The following SEMA3E variants were observed in gnomAD, a reference collection of about 807,000 sequenced individuals.
The protein encoded by SEMA3E is semaphorin 3E, also known as semaphorin-3E.
Under a neutral mutation model 93.6 loss-of-function variants are expected in SEMA3E, and 49 were observed. That is an observed-to-expected ratio of 0.52 (90% CI 0.42 to 0.66). SEMA3E has a LOEUF of 0.66. Ranked by LOEUF, SEMA3E falls within the 30% of genes least tolerant of loss-of-function variation. The pLI is 0.00. For synonymous variants in SEMA3E, 363 were observed against 330.7 expected, an observed-to-expected ratio of 1.10 and a Z score of -1.06; for missense variants, 906 against 964.8, an observed-to-expected ratio of 0.94 and a Z score of 0.81.
chr7:83,429,354 C>G (rs937034442), intron 4 of SEMA3E, among the ~76,000 whole-genome samples: 1 of 152,046 alleles, frequency 6.6e-6, no homozygotes, highest in Non-Finnish European at 1.5e-5. Context: ...CATTCTCTTC[C>G]TCACCCTAAG....
At chr7:83,481,837 A>G (rs1027959150) in intron 2 of SEMA3E, among the ~76,000 whole-genome samples, 4 of 152,216 alleles carry the variant, frequency 2.6e-5, no homozygotes, top group Non-Finnish European at 5.9e-5. Context: ...TGGAAAAATT[A>G]TTCTTATAAG....
chr7:83,638,893 C>T (rs1407372612), intron 1 of SEMA3E, among the ~76,000 whole-genome samples: 2 of 151,564 alleles, frequency 1.3e-5, no homozygotes, highest in East Asian at 1.9e-4. Context: ...GGGCGGATCA[C>T]GAGGTCAGGA....
At chr7:83,419,886 C>A (rs1439639154) in intron 4 of SEMA3E, among the ~76,000 whole-genome samples, 4 of 152,076 alleles carry the variant, frequency 2.6e-5, no homozygotes, top group Non-Finnish European at 2.9e-5. Flanking sequence ...AAGCTGGAAG[C>A]ATTCCCCTTA....
chr7:83,381,770 C>G (rs562368826), intron 16 of SEMA3E, among the ~76,000 whole-genome samples: 1 of 151,946 alleles, frequency 6.6e-6, no homozygotes, highest in Admixed American at 6.6e-5. Context: ...CAAATGGTGG[C>G]TCACATTTTC....
chr7:83,506,773 C>T (rs1790713627), intron 1 of SEMA3E, among the ~76,000 whole-genome samples: 1 of 152,064 alleles, frequency 6.6e-6, no homozygotes, highest in Non-Finnish European at 1.5e-5. Context: ...CCTTTCCACA[C>T]ACACTGAGAA....
intron 12 of SEMA3E, 67 bp from the exon 13 acceptor site, chr7:83,394,405 T>C (rs1483330201): frequency 2.1e-5 from 27 of 1,309,046 alleles, no homozygotes; most frequent in Non-Finnish European, 2.9e-5. Context: ...AATATGGTTG[T>C]AAACCCCTGA....
At chr7:83,537,005 A>T (rs1008043228) in intron 1 of SEMA3E, among the ~76,000 whole-genome samples, 3 of 151,860 alleles carry the variant, frequency 2.0e-5, no homozygotes, top group African/African-American at 7.3e-5. Flanking sequence ...CTTATGAAAA[A>T]AATCTTTCTC....
intron 4 of SEMA3E, among the ~76,000 whole-genome samples, chr7:83,453,361 G>A (rs529144157): frequency 1.1e-4 from 17 of 149,114 alleles, no homozygotes; most frequent in Non-Finnish European, 2.2e-4. Flanking sequence ...ATAATTATCT[G>A]TTTCGCATTT....
At position 83,386,360 on chromosome 7, in the gene SEMA3E, C is replaced by T. The variant is rs189068263; in HGVS notation, c.1735+623G>A. 1.4e-3 allele frequency among the ~76,000 whole-genome samples: 209 copies of T among 152,202 alleles called. 1 individual carries two copies. The highest frequency in any genetic ancestry group is 7.2e-4 in the Non-Finnish European group (49 of 67,978). On this transcript the variant is annotated intron_variant, in intron 15 of 16. Transcript: ENST00000643230. ...CTAGTGAGCTCAGTGACACTAAATACAGCCTATTCAACAGTCACTACCATA... is the reference window on the plus strand; with the variant it reads ...CTAGTGAGCTCAGTGACACTAAATATAGCCTATTCAACAGTCACTACCATA...
chr7:83,375,758 T>C (rs894040232), intron 16 of SEMA3E, among the ~76,000 whole-genome samples: 1 of 151,976 alleles, frequency 6.6e-6, no homozygotes, highest in Non-Finnish European at 1.5e-5. Flanking sequence ...TAAGAGAAAA[T>C]GTTTTAATTT....
chr7:83,425,579 GTTA>G (rs908868350), intron 4 of SEMA3E, among the ~76,000 whole-genome samples: 3 of 152,084 alleles, frequency 2.0e-5, no homozygotes, highest in Non-Finnish European at 2.9e-5. Flanking sequence ...TCCAGAATAA[GTTA>G]TTAAGTCCCT....
intron 9 of SEMA3E, among the ~76,000 whole-genome samples, chr7:83,403,776 A>G (rs1323142254): frequency 6.6e-6 from 1 of 151,922 alleles, no homozygotes; most frequent in Non-Finnish European, 1.5e-5. Context: ...CCTTGAAGCA[A>G]TTGGAAATGC....
chr7:83,552,843 C>T (rs557109450), intron 1 of SEMA3E, among the ~76,000 whole-genome samples: 14 of 152,310 alleles, frequency 9.2e-5, no homozygotes, highest in African/African-American at 3.1e-4. Flanking sequence ...TTTATCAAGA[C>T]AATACATGCA....
At chr7:83,608,819 G>GGTT (rs1330942280) in intron 1 of SEMA3E, among the ~76,000 whole-genome samples, 1 of 152,002 alleles carries the variant, frequency 6.6e-6, no homozygotes, top group Non-Finnish European at 1.5e-5. Flanking sequence ...AACCCAACAT[G>GGTT]GTTATGGGCA....
chr7:83,543,303 C>A (rs1271018201), intron 1 of SEMA3E, among the ~76,000 whole-genome samples: 1 of 151,814 alleles, frequency 6.6e-6, no homozygotes. Context: ...CCATGAATAC[C>A]CTTAAATGTT....
chr7:83,385,341 T>C lies in SEMA3E; in HGVS notation c.1828A>G (p.Lys610Glu), dbSNP rs529914797. The part of the protein sequence containing the change: ...LECTPRSLQA[K>E]VIWFVQKGRE... ...CCTTTCTGTACAAACCAGATAACTT[T>C]CGCTTGTAAAGATCGTGGGGTACAT... Residue 610 changes from lysine to glutamate, a missense_variant, in exon 16 of 17, where the codon AAA (lysine) becomes GAA (glutamate). By Grantham distance (56) the Lys-to-Glu change is moderately conservative. Coordinates refer to ENST00000643230, the MANE Select transcript of SEMA3E (RefSeq NM_012431.3). 7 of 1,613,534 alleles carry C rather than the reference T, an allele frequency of 4.3e-6. No individual in the cohort carries two copies. The African/African-American group carries it at 6.7e-5, about 15-fold the overall frequency.
chr7:83,591,682 A>C (rs978414204), intron 1 of SEMA3E, among the ~76,000 whole-genome samples: 1 of 152,150 alleles, frequency 6.6e-6, no homozygotes, highest in East Asian at 1.9e-4. Context: ...CAATCTCACA[A>C]GGTTTGAACA....
rs111791394 is a variant in SEMA3E at position 83,404,164 on chromosome 7, T to A, written c.998+1286A>T. ...AAAACGTTAAGTACTCTCCATGCGC[T>A]GTGATAACTACCAATCTACATTAAC... On this transcript the variant is annotated intron_variant, in intron 9 of 16. Transcript: ENST00000643230. 5.9e-5 allele frequency among the ~76,000 whole-genome samples: 9 copies of A among 152,106 alleles called. 2 individuals are homozygous for A. Among genetic ancestry groups the A allele is most frequent in the African/African-American group, 2.2e-4 (9 of 41,576 alleles).
intron 9 of SEMA3E, among the ~76,000 whole-genome samples, chr7:83,404,578 A>G (rs1023559611): frequency 6.6e-6 from 1 of 151,914 alleles, no homozygotes; most frequent in African/African-American, 2.4e-5. Context: ...TGATTCTAAT[A>G]TTTTTATTTG....
Sources: gnomAD v4.1 joint callset for allele counts (sites outside exome capture counted in the v4.1 genomes callset) on GRCh38, gnomAD v4.1.1 for gene constraint, MANE v1.5 for transcripts, NCBI Gene and HGNC (gene_info 2026-07-23, HGNC 2026-07-21) for gene names.